Variants in ADAMTS16 observed in about 807,000 individuals in gnomAD.
ADAMTS16 encodes the protein ADAM metallopeptidase with thrombospondin type 1 motif 16.
A neutral mutation model predicts 145.8 loss-of-function variants in ADAMTS16; 94 were observed. The ratio of observed to expected loss-of-function variants is 0.64; its 90% CI spans 0.55 to 0.77. The LOEUF is 0.77. Ranked by LOEUF, ADAMTS16 falls within the 30% of genes least tolerant of loss-of-function variation. ADAMTS16 has a pLI of 0.00. For missense variants in ADAMTS16, 1,585 were observed against 1,591.5 expected (o/e 1.00, Z 0.07); for synonymous variants, 659 against 604.3 (o/e 1.09, Z -1.33).
intron 9 of ADAMTS16, among the ~76,000 whole-genome samples, chr5:5,207,130 T>G (rs1736148961): frequency 6.6e-6 from 1 of 152,200 alleles, no homozygotes; most frequent in African/African-American, 2.4e-5. Context: ...AGCTATAGAT[T>G]AAAATGGGAA....
At chr5:5,298,619 G>A (rs780517877) in intron 18 of ADAMTS16, among the ~76,000 whole-genome samples, 1 of 151,840 alleles carries the variant, frequency 6.6e-6, no homozygotes, top group Admixed American at 6.6e-5. Context: ...GCTAACTAAT[G>A]TTTTCCCTAT....
intron 17 of ADAMTS16, among the ~76,000 whole-genome samples, chr5:5,251,441 A>T (rs1737618844): frequency 6.6e-6 from 1 of 152,184 alleles, no homozygotes; most frequent in Non-Finnish European, 1.5e-5. Flanking sequence ...ATGCTTCTAT[A>T]CTCCAAAGAA....
intron 18 of ADAMTS16, among the ~76,000 whole-genome samples, chr5:5,292,498 A>AAATAAT (rs55690811): frequency 1.5e-4 from 22 of 146,822 alleles, no homozygotes; most frequent in African/African-American, 4.0e-4. Context: ...ACTCCAGCTC[A>AAATAAT]AATAATAATA....
intron 18 of ADAMTS16, among the ~76,000 whole-genome samples, chr5:5,277,979 C>G (rs1738766634): frequency 6.6e-6 from 1 of 150,984 alleles, no homozygotes; most frequent in Non-Finnish European, 1.5e-5. Flanking sequence ...AAGACTCTGT[C>G]TTAAAAAAAA....
At chr5:5,240,824 AT>A (rs1232903739) in intron 16 of ADAMTS16, among the ~76,000 whole-genome samples, 1 of 152,010 alleles carries the variant, frequency 6.6e-6, no homozygotes, top group Non-Finnish European at 1.5e-5. Context: ...TTATAAACAA[AT>A]TTATCTTGAA....
intron 3 of ADAMTS16, among the ~76,000 whole-genome samples, chr5:5,162,330 T>C (rs1734760328): frequency 2.6e-5 from 4 of 152,194 alleles, no homozygotes. Context: ...AATCTGCCAA[T>C]CAGACCCATT....
At chr5:5,210,535 C>T (rs1051741233) in intron 10 of ADAMTS16, among the ~76,000 whole-genome samples, 2 of 152,146 alleles carry the variant, frequency 1.3e-5, no homozygotes, top group African/African-American at 2.4e-5. Context: ...CTTCCCTGTG[C>T]CCCCTCCTTC....
At chr5:5,242,024 T>C in intron 16 of ADAMTS16, 29 bp from the exon 17 acceptor site, 1 of 1,612,814 alleles carries the variant, frequency 6.2e-7, no homozygotes, top group Non-Finnish European at 8.5e-7. Flanking sequence ...ATTAATTTGT[T>C]TTATTTTTTC....
chr5:5,184,508 T>TA (rs1419570579), intron 4 of ADAMTS16, among the ~76,000 whole-genome samples: 2 of 152,116 alleles, frequency 1.3e-5, no homozygotes, highest in Non-Finnish European at 2.9e-5. Context: ...AATTCACACT[T>TA]ACAATGATTC....
At chr5:5,141,147 C>T (rs1341229727) in intron 2 of ADAMTS16, among the ~76,000 whole-genome samples, 1 of 152,164 alleles carries the variant, frequency 6.6e-6, no homozygotes, top group Non-Finnish European at 1.5e-5. Context: ...TCCTCCTTCC[C>T]GTCCCCAACC....
At chr5:5,302,553 A>C (rs1739828901) in intron 18 of ADAMTS16, among the ~76,000 whole-genome samples, 1 of 152,232 alleles carries the variant, frequency 6.6e-6, no homozygotes, top group South Asian at 2.1e-4. Context: ...ACACTGTGGA[A>C]GACTCAGTAA....
chr5:5,304,951 A>T (rs1739970314), intron 20 of ADAMTS16, among the ~76,000 whole-genome samples: 1 of 146,456 alleles, frequency 6.8e-6, no homozygotes, highest in Non-Finnish European at 1.5e-5. Flanking sequence ...ATACATGCAC[A>T]CACATCCCAC....
chr5:5,219,689 T>G (rs1736537812), intron 10 of ADAMTS16, among the ~76,000 whole-genome samples: 1 of 152,194 alleles, frequency 6.6e-6, no homozygotes, highest in Non-Finnish European at 1.5e-5. Context: ...CCTTGAGGAC[T>G]GGAGTTGGGG....
intron 3 of ADAMTS16, among the ~76,000 whole-genome samples, chr5:5,158,205 C>T (rs903142141): frequency 6.6e-6 from 1 of 152,168 alleles, no homozygotes; most frequent in Non-Finnish European, 1.5e-5. Context: ...TTAGCATTTA[C>T]CCCTCCCTCT....
chr5:5,196,005 A>C (rs1735790031), intron 8 of ADAMTS16, among the ~76,000 whole-genome samples: 1 of 152,132 alleles, frequency 6.6e-6, no homozygotes, highest in South Asian at 2.1e-4. Context: ...AGGTGGGTGG[A>C]TCATGAGGTC....
rs1437265264 is a variant in ADAMTS16 at position 5,319,526 on chromosome 5, A to T, written c.*388A>T. On this transcript the variant is annotated 3_prime_UTR_variant, in exon 23 of 23. Transcript: ENST00000274181. ...CTTAGAAAAAGAAGGAAAGGCCATGAAATAAGGAAAACATACAAAATATGT... is the reference window on the plus strand; with the variant it reads ...CTTAGAAAAAGAAGGAAAGGCCATGTAATAAGGAAAACATACAAAATATGT... 1 of 293,606 alleles carries T rather than the reference A, an allele frequency of 3.4e-6. No homozygotes were observed. The highest frequency in any genetic ancestry group is 6.5e-6 in the Non-Finnish European group (1 of 152,710). The allele number at this position is 293,606 out of a possible 1,614,324, so 18.2% of individuals were successfully genotyped here. A position where few individuals can be genotyped will look rare whatever the true frequency, so the allele number is the denominator to read the frequency against.
Position 5,284,823 on chromosome 5 carries a change from T to C in ADAMTS16, c.2790-18445T>C, listed in dbSNP as rs569131021. 1.0e-3 allele frequency among the ~76,000 whole-genome samples: 156 copies of C among 152,342 alleles called. 1 individual carries two copies. The South Asian group carries it at 0.018, about 17-fold the overall frequency. ...TAGGGAGGGGTTTGTAATTTTTCTG[T>C]AGGTTCCATGTGAGGTTTCTTTTTT... On this transcript the variant is annotated intron_variant, in intron 18 of 22. Coordinates refer to ENST00000274181, the MANE Select transcript of ADAMTS16 (RefSeq NM_139056.4).
At chr5:5,149,186 T>C (rs544832807) in intron 3 of ADAMTS16, among the ~76,000 whole-genome samples, 1 of 152,346 alleles carries the variant, frequency 6.6e-6, no homozygotes, top group East Asian at 1.9e-4. Context: ...TACCCTGGTA[T>C]TGCCACCAAG....
intron 10 of ADAMTS16, among the ~76,000 whole-genome samples, chr5:5,210,953 C>T (rs762896905): frequency 9.2e-5 from 14 of 152,120 alleles, no homozygotes; most frequent in Admixed American, 7.2e-4. Context: ...TGGTCGTAAT[C>T]TATTGTTCAT....
Sources: gnomAD v4.1 joint callset for allele counts (sites outside exome capture counted in the v4.1 genomes callset) on GRCh38, gnomAD v4.1.1 for gene constraint, MANE v1.5 for transcripts, NCBI Gene and HGNC (gene_info 2026-07-23, HGNC 2026-07-21) for gene names.